SKI: variants seen among roughly 807,000 people sequenced by gnomAD.
The protein encoded by SKI is ski oncogene.
SKI carries 23 observed loss-of-function variants against 59.3 expected under a neutral mutation model. That is an observed-to-expected ratio of 0.39 (90% CI 0.28 to 0.55). The LOEUF is 0.55. Ranked by LOEUF, SKI falls within the 20% of genes least tolerant of loss-of-function variation. SKI has a pLI of 0.67. For synonymous variants in SKI, 673 were observed against 488.6 expected, an observed-to-expected ratio of 1.38 and a Z score of -4.98; for missense variants, 1,017 against 1,038.9, an observed-to-expected ratio of 0.98 and a Z score of 0.29.
At chr1:2,253,263 CGGTATCACGGGCTCCAGAGCACCCAGGTT>C (rs1639200766) in intron 1 of SKI, among the ~76,000 whole-genome samples, 2 of 152,104 alleles carry the variant, frequency 1.3e-5, no homozygotes, top group South Asian at 4.1e-4. Flanking sequence ...GCACCCGGGC[CGGTATCACGGGCTCCAGAGCACCCAGGTT>C]GGTATCATGG....
At chr1:2,294,555 C>T (rs71630970) in intron 1 of SKI, among the ~76,000 whole-genome samples, 10 of 152,248 alleles carry the variant, frequency 6.6e-5, no homozygotes, top group East Asian at 1.9e-4. Context: ...CTCGGGGAAC[C>T]GGTAAGCCCA....
At chr1:2,274,862 G>A (rs1029791413) in intron 1 of SKI, among the ~76,000 whole-genome samples, 1 of 152,226 alleles carries the variant, frequency 6.6e-6, no homozygotes, top group Non-Finnish European at 1.5e-5. Context: ...GGCCGCCACG[G>A]CCCCCTCCTG....
intron 1 of SKI, among the ~76,000 whole-genome samples, chr1:2,301,795 C>T (rs999422375): frequency 2.0e-5 from 3 of 152,274 alleles, no homozygotes; most frequent in Admixed American, 2.0e-4. Context: ...TTGCTGCCTC[C>T]TCTTGAGGTT....
chr1:2,295,872 T>A (rs1406308695), intron 1 of SKI, among the ~76,000 whole-genome samples: 1 of 152,216 alleles, frequency 6.6e-6, no homozygotes, highest in Non-Finnish European at 1.5e-5. Context: ...GTGGCTGCAC[T>A]TTGCTGCTGT....
intron 1 of SKI, among the ~76,000 whole-genome samples, chr1:2,288,486 G>A (rs1289002624): frequency 6.6e-6 from 1 of 152,258 alleles, no homozygotes; most frequent in African/African-American, 2.4e-5. Flanking sequence ...GGTTAGGAGT[G>A]AGAACACGAT....
Position 2,229,960 on chromosome 1 carries a change from G to A in SKI, c.969+225G>A, listed in dbSNP as rs1169809180. Among the ~76,000 whole-genome samples the A allele has an allele frequency of 1.3e-5, 2 of 152,248 alleles. No homozygotes were observed. Among genetic ancestry groups the A allele is most frequent in the Admixed American group, 6.5e-5 (1 of 15,288 alleles). Reference sequence around the variant, plus strand: ...GTTCCCCAGGACGAGCCTGGAGTGCGGGCTGTGGCGGTGGGGTGGGGGGCC... The same window carrying A: ...GTTCCCCAGGACGAGCCTGGAGTGCAGGCTGTGGCGGTGGGGTGGGGGGCC... On this transcript the variant is annotated intron_variant, in intron 1 of 6. Transcript: ENST00000378536. This position sits in a 1 kb window ranked among gnomAD's most constrained non-coding sequence, Gnocchi z 6.3.
intron 1 of SKI, among the ~76,000 whole-genome samples, chr1:2,290,831 CTTAA>C (rs1406913128): frequency 2.0e-5 from 3 of 152,370 alleles, no homozygotes; most frequent in Middle Eastern, 3.4e-3. Context: ...ACGAAACACT[CTTAA>C]TTGAGTCCGA....
chr1:2,274,213 G>A (rs949071647), intron 1 of SKI, among the ~76,000 whole-genome samples: 2 of 152,132 alleles, frequency 1.3e-5, no homozygotes, highest in Admixed American at 1.3e-4. Flanking sequence ...TGCTTTGCCT[G>A]CTTTCCCATG....
chr1:2,271,935 G>A (rs539710051), intron 1 of SKI, among the ~76,000 whole-genome samples: 1 of 152,328 alleles, frequency 6.6e-6, no homozygotes, highest in East Asian at 1.9e-4. Flanking sequence ...TGGATGGCTG[G>A]CGGGACTGGG....
At chr1:2,236,249 G>C (rs1450588787) in intron 1 of SKI, among the ~76,000 whole-genome samples, 3 of 152,178 alleles carry the variant, frequency 2.0e-5, no homozygotes, top group African/African-American at 7.2e-5. Flanking sequence ...CAGGGGCTAG[G>C]GTTAGGGACG....
chr1:2,258,297 T>A (rs1328782075), intron 1 of SKI, among the ~76,000 whole-genome samples: 1 of 152,140 alleles, frequency 6.6e-6, no homozygotes, highest in African/African-American at 2.4e-5. Flanking sequence ...TGGTCTCGGC[T>A]GGTATGTGTG....
chr1:2,294,129 C>G (rs985167849), intron 1 of SKI, among the ~76,000 whole-genome samples: 3 of 152,130 alleles, frequency 2.0e-5, no homozygotes, highest in Admixed American at 2.0e-4. Flanking sequence ...GTGATAGGTG[C>G]GGCAGCTTCC....
intron 1 of SKI, among the ~76,000 whole-genome samples, chr1:2,275,314 G>C (rs377450242): frequency 2.6e-5 from 4 of 152,228 alleles, no homozygotes; most frequent in Non-Finnish European, 5.9e-5. Context: ...CACTGAGTTC[G>C]AGGTTCCCAC....
chr1:2,285,633 C>T (rs1464905064), intron 1 of SKI, among the ~76,000 whole-genome samples: 8 of 150,996 alleles, frequency 5.3e-5, no homozygotes, highest in Non-Finnish European at 7.4e-5. Context: ...GGCGTGATCT[C>T]AGCTCACTAC....
In SKI at chr1:2,304,311, C is replaced by T. The variant is rs1640510465; in HGVS notation, c.1493C>T (p.Ser498Leu). ...TCCTCAGTCACCTCCTCCTTGTCCT[C>T]GCTCTCTTCCCCGTCCTTTACCTCA... ...SREEFTSSLS[S>L]LSSPSFTSSS... The change falls in exon 5 of 7, where the codon TCG becomes TTG. Residue 498 changes from serine (S) to leucine (L), a missense_variant. Ser to Leu is a moderately radical substitution (Grantham distance 145). Coordinates refer to ENST00000378536, the MANE Select transcript of SKI (RefSeq NM_003036.4). 5.8e-6 allele frequency: 9 copies of T among 1,551,566 alleles called. No individual in the cohort carries two copies. Among genetic ancestry groups the T allele is most frequent in the African/African-American group, 2.7e-5 (2 of 73,032 alleles).
intron 1 of SKI, among the ~76,000 whole-genome samples, chr1:2,280,666 G>T (rs1285630190): frequency 1.4e-4 from 14 of 99,576 alleles, no homozygotes; most frequent in East Asian, 1.0e-3. Context: ...CGAGAAGACA[G>T]GCGGCGGCGG....
At position 2,246,730 on chromosome 1, in the gene SKI, C is replaced by G. The variant is rs146549591; in HGVS notation, c.969+16995C>G. ...GACAGTGACCTGCTGGGGCCGAAGG[C>G]TGTGAGTGCCATTGGGGGAGGGAGT... On this transcript the variant is annotated intron_variant, in intron 1 of 6. Transcript: ENST00000378536. Among the ~76,000 whole-genome samples the G allele has an allele frequency of 2.3e-4, 35 of 152,310 alleles. No homozygotes were observed. The East Asian group carries it at 6.2e-3, about 27-fold the overall frequency.
rs370890050 is a variant in SKI at position 2,304,864 on chromosome 1, C to T, written c.1767+279C>T. On this transcript the variant is annotated intron_variant, in intron 5 of 6. Coordinates refer to ENST00000378536, the MANE Select transcript of SKI (RefSeq NM_003036.4). ...AGCTTTCCCCATCAGGATCACACAC[C>T]CTGCGTGGTGGCCCCACTGAGGAAG... 1.8e-4 allele frequency among the ~76,000 whole-genome samples: 27 copies of T among 152,346 alleles called. No individual in the cohort carries two copies. In the South Asian group the frequency reaches 5.2e-3, roughly 29 times the overall value.
intron 1 of SKI, among the ~76,000 whole-genome samples, chr1:2,240,000 C>T (rs529799914): frequency 2.6e-5 from 4 of 152,062 alleles, no homozygotes; most frequent in African/African-American, 9.6e-5. Flanking sequence ...TTTAATTTTC[C>T]CAGCTGAACG....
Sources: allele counts gnomAD v4.1 joint callset (sites outside exome capture counted in the v4.1 genomes callset), GRCh38; gene constraint gnomAD v4.1.1; non-coding constraint Gnocchi (gnomAD v3.1); transcripts MANE v1.5; gene names NCBI Gene and HGNC (gene_info 2026-07-23, HGNC 2026-07-21).